Variants in ESCO1 observed in about 807,000 individuals in gnomAD.
ESCO1 encodes N-acetyltransferase ESCO1.
A neutral mutation model predicts 83.5 loss-of-function variants in ESCO1; 33 were observed. The ratio of observed to expected loss-of-function variants is 0.40; its 90% CI spans 0.30 to 0.53. The LOEUF (loss-of-function observed/expected upper bound fraction) is 0.53, where lower values mean the gene tolerates loss of function less well. Among genes scored for constraint, ESCO1 ranks in the 20% least tolerant of loss-of-function variants. The pLI, the probability that ESCO1 is intolerant of heterozygous loss-of-function variation, is 0.63. For missense variants in ESCO1, 855 were observed against 968.0 expected (o/e 0.88, Z 1.55); for synonymous variants, 332 against 324.3 (o/e 1.02, Z -0.25).
At position 21,579,771 on chromosome 18, in the gene ESCO1, G is replaced by GAC. The variant is rs200274564; in HGVS notation, c.-693-3996_-693-3995dup. 8.3e-3 allele frequency among the ~76,000 whole-genome samples: 978 copies of GAC among 117,884 alleles called. 29 individuals are homozygous for GAC. Among genetic ancestry groups the GAC allele is most frequent in the African/African-American group, 0.03 (871 of 29,388 alleles). 77.3% of individuals were successfully genotyped at this position (117,884 alleles called of 152,430 possible). On this transcript the variant is annotated intron_variant, in intron 2 of 11. Coordinates refer to ENST00000269214, the MANE Select transcript of ESCO1 (RefSeq NM_052911.3). ...AGCCTGGGCAACAGAGCGAGATTCT[G>GAC]ACACACACACACACGCGCGCGCGCA... is the stretch of plus-strand genomic sequence containing the variant.
chr18:21,549,283 G>C (rs1003589768), intron 8 of ESCO1, among the ~76,000 whole-genome samples: 1 of 152,174 alleles, frequency 6.6e-6, no homozygotes, highest in Non-Finnish European at 1.5e-5. Flanking sequence ...TTAGGACCAT[G>C]ATGTTACAAC....
chr18:21,557,710 A>G (rs979461842), intron 8 of ESCO1, among the ~76,000 whole-genome samples: 1 of 152,152 alleles, frequency 6.6e-6, no homozygotes, highest in Non-Finnish European at 1.5e-5. Context: ...GAACACATAC[A>G]TTGTTCTTTG....
intron 6 of ESCO1, 47 bp downstream of exon 6, chr18:21,566,099 C>T (rs1162857460): frequency 1.3e-6 from 2 of 1,564,078 alleles, no homozygotes; most frequent in Non-Finnish European, 1.7e-6. Flanking sequence ...AAACTCAAAA[C>T]TTGTAAGTTA....
At chr18:21,571,917 A>G (rs981464170) in intron 4 of ESCO1, among the ~76,000 whole-genome samples, 4 of 152,246 alleles carry the variant, frequency 2.6e-5, no homozygotes, top group Admixed American at 1.3e-4. Flanking sequence ...ATCTGAGAGT[A>G]CAATATGGTG....
At chr18:21,531,745 G>A (rs988023200) in intron 11 of ESCO1, among the ~76,000 whole-genome samples, 4 of 151,808 alleles carry the variant, frequency 2.6e-5, no homozygotes, top group African/African-American at 9.7e-5. Flanking sequence ...CTTGAGACCA[G>A]GAGTTCGAGA....
In ESCO1 at chr18:21,574,143, C is replaced by T. The variant is rs757528596; in HGVS notation, c.701G>A (p.Arg234Lys). Residue 234 changes from arginine (R) to lysine (K), a missense_variant, in exon 4 of 12, where the codon AGA (arginine) becomes AAA (lysine). Transcript: ENST00000269214. ...TACAGGCACAGGTTTCGTTTCGTCT[C>T]TTCTAGTAGTCTTCTGAGGACACTT... Reference protein sequence around the residue: ...SEKCPQKTTRRDETKPVPVTS... With the variant: ...SEKCPQKTTRKDETKPVPVTS... 3 of 1,613,860 alleles carry T rather than the reference C, an allele frequency of 1.9e-6. No homozygotes were observed. Among genetic ancestry groups the T allele is most frequent in the Non-Finnish European group, 2.5e-6 (3 of 1,180,026 alleles).
rs2037743426 is a variant in ESCO1, at chr18:21,529,776, T to A, written c.*567A>T. On this transcript the variant is annotated 3_prime_UTR_variant, in exon 12 of 12. Transcript: ENST00000269214. ...AAAAGCTCAATATTCTAATTCTTCC[T>A]ATTTAGCTGGAGCTTTCCTTTTCTA... 1 of 152,330 alleles carries A rather than the reference T, an allele frequency of 6.6e-6. No individual in the cohort carries two copies. Among genetic ancestry groups the A allele is most frequent in the African/African-American group, 2.4e-5 (1 of 41,458 alleles). 9.4% of individuals were successfully genotyped at this position (152,330 alleles called of 1,614,324 possible).
chr18:21,555,240 A>C (rs1460393684), intron 8 of ESCO1, among the ~76,000 whole-genome samples: 1 of 152,228 alleles, frequency 6.6e-6, no homozygotes, highest in African/African-American at 2.4e-5. Flanking sequence ...TAAAAAGAAC[A>C]GTGGTTGGCA....
chr18:21,568,450 T>C (rs1445844972), intron 4 of ESCO1, among the ~76,000 whole-genome samples: 1 of 152,142 alleles, frequency 6.6e-6, no homozygotes, highest in African/African-American at 2.4e-5. Context: ...TCCACAGATA[T>C]ATTCAATAGT....
chr18:21,576,754 G>A (rs2038423523), intron 2 of ESCO1, among the ~76,000 whole-genome samples: 1 of 152,036 alleles, frequency 6.6e-6, no homozygotes. Context: ...GACTCAAAAG[G>A]CCGGGTGCGG....
chr18:21,531,836 T>C (rs930429870), intron 11 of ESCO1, among the ~76,000 whole-genome samples: 1 of 125,902 alleles, frequency 7.9e-6, no homozygotes. Context: ...GAGGTTGCAG[T>C]GAGCAGAGAT....
At chr18:21,530,706 C>T (rs2037757163) in intron 11 of ESCO1, among the ~76,000 whole-genome samples, 1 of 152,004 alleles carries the variant, frequency 6.6e-6, no homozygotes, top group African/African-American at 2.4e-5. Flanking sequence ...AATGTAAAAA[C>T]ATTTACCCAA....
intron 8 of ESCO1, among the ~76,000 whole-genome samples, chr18:21,557,955 T>C (rs1022527246): frequency 3.3e-5 from 5 of 151,842 alleles, no homozygotes; most frequent in African/African-American, 9.7e-5. Flanking sequence ...TCTTCCTAAA[T>C]AGTTTTTTGG....
chr18:21,529,778 T>C lies in ESCO1; in HGVS notation c.*565A>G, dbSNP rs370475445. On this transcript the variant is annotated 3_prime_UTR_variant, in exon 12 of 12. Coordinates refer to ENST00000269214, the MANE Select transcript of ESCO1 (RefSeq NM_052911.3). ...AAGCTCAATATTCTAATTCTTCCTA[T>C]TTAGCTGGAGCTTTCCTTTTCTATA... The C allele has an allele frequency of 6.6e-6, 1 of 152,328 alleles. No homozygotes were observed. Among genetic ancestry groups the C allele is most frequent in the Non-Finnish European group, 1.5e-5 (1 of 68,022 alleles). 9.4% of individuals were successfully genotyped at this position (152,328 alleles called of 1,614,324 possible).
chr18:21,570,833 C>T (rs573672164), intron 4 of ESCO1, among the ~76,000 whole-genome samples: 1 of 151,998 alleles, frequency 6.6e-6, no homozygotes, highest in African/African-American at 2.4e-5. Context: ...AAAAATTAGC[C>T]GGGCGTGGTG....
chr18:21,590,604 A>G (rs1448684648), intron 1 of ESCO1, among the ~76,000 whole-genome samples: 1 of 152,098 alleles, frequency 6.6e-6, no homozygotes, highest in Non-Finnish European at 1.5e-5. Context: ...TTGTATTTCA[A>G]TTTTAATTGA....
Position 21,574,265 on chromosome 18 carries a change from T to C in ESCO1, c.579A>G (p.Val193=). 6.2e-7 allele frequency: 1 copy of C among 1,613,870 alleles called. No homozygotes were observed. The highest frequency in any genetic ancestry group is 8.5e-7 in the Non-Finnish European group (1 of 1,179,996). The change falls in exon 4 of 12, where the codon GTA becomes GTG. Residue 193 remains valine, a synonymous_variant. Transcript: ENST00000269214. Reference sequence around the variant, plus strand: ...TGGGAGAATTTATTACTTCATTAATTACTAGATTTTCATCTTCTTTAGAGT... The same window carrying C: ...TGGGAGAATTTATTACTTCATTAATCACTAGATTTTCATCTTCTTTAGAGT... The part of the protein sequence containing the change: ...KSDSKEDENL[V]INEVINSPKG...
chr18:21,600,024 G>A (rs1010136838), intron 1 of ESCO1, among the ~76,000 whole-genome samples: 2 of 152,174 alleles, frequency 1.3e-5, no homozygotes, highest in Non-Finnish European at 2.9e-5. Flanking sequence ...TGCAGCATGA[G>A]TTACTCTATG....
chr18:21,564,421 C>CAAA, intron 6 of ESCO1, 104 bp from the exon 7 acceptor site: 4 of 785,438 alleles, frequency 5.1e-6, no homozygotes, highest in Middle Eastern at 4.1e-4. Flanking sequence ...GACGAAGTCT[C>CAAA]ACTCTGTCGC....
Sources: gnomAD v4.1 joint callset for allele counts (sites outside exome capture counted in the v4.1 genomes callset) on GRCh38, gnomAD v4.1.1 for gene constraint, MANE v1.5 for transcripts, NCBI Gene and HGNC (gene_info 2026-07-23, HGNC 2026-07-21) for gene names.